The following GTPBP8 variants were observed in gnomAD, a reference collection of about 807,000 sequenced individuals.
GTPBP8 encodes the protein GTP-binding protein 8.
A neutral mutation model predicts 27.3 loss-of-function variants in GTPBP8; 21 were observed. The ratio of observed to expected loss-of-function variants is 0.77; its 90% CI spans 0.55 to 1.11. GTPBP8 has a LOEUF of 1.11. GTPBP8 is among the 50% of genes least tolerant of loss of function. The probability of loss-of-function intolerance (pLI) is 0.00; values close to 1 mark genes in which losing one functional copy is unlikely to be tolerated. For missense variants in GTPBP8, 380 were observed against 350.8 expected (o/e 1.08, Z -0.67); for synonymous variants, 147 against 135.3 (o/e 1.09, Z -0.60).
In GTPBP8 at chr3:113,001,903, A is replaced by G. The variant is rs1268696924; in HGVS notation, c.*984A>G. ...ATTCATGTAAGTGGCTTAGGTTTTCAAAGTGAAGCTTAATATTAAAAGGTT... is the reference window on the plus strand; with the variant it reads ...ATTCATGTAAGTGGCTTAGGTTTTCGAAGTGAAGCTTAATATTAAAAGGTT... On this transcript the variant is annotated 3_prime_UTR_variant, in exon 6 of 6. Coordinates refer to ENST00000383678, the MANE Select transcript of GTPBP8 (RefSeq NM_014170.4). The G allele has an allele frequency of 6.6e-6, 1 of 152,242 alleles. No homozygotes were observed. The highest frequency in any genetic ancestry group is 1.5e-5 in the Non-Finnish European group (1 of 68,032). The allele number at this position is 152,242 out of a possible 1,614,324, so 9.4% of individuals were successfully genotyped here.
chr3:112,991,932 G>T, intron 1 of GTPBP8: 1 of 246,864 alleles, frequency 4.1e-6, no homozygotes, highest in Non-Finnish European at 8.0e-6. Context: ...TTTCATGAGT[G>T]AGCATTCTTG....
chr3:112,992,045 G>C (rs375564890), intron 1 of GTPBP8: 10 of 153,466 alleles, frequency 6.5e-5, no homozygotes, highest in Admixed American at 3.9e-4. Flanking sequence ...GAGATATTTC[G>C]TCTAAATATA....
In GTPBP8 at chr3:113,001,374, A is replaced by G. The variant is rs1351354033; in HGVS notation, c.*455A>G. On this transcript the variant is annotated 3_prime_UTR_variant, in exon 6 of 6. Transcript: ENST00000383678. ...TGGATAAAAGTTACTATGTAAGCCTATTTTTTTGAGTCCTTATTTGAATAT... is the reference window on the plus strand; with the variant it reads ...TGGATAAAAGTTACTATGTAAGCCTGTTTTTTTGAGTCCTTATTTGAATAT... 1 of 152,296 alleles carries G rather than the reference A, an allele frequency of 6.6e-6. No homozygotes were observed. Among genetic ancestry groups the G allele is most frequent in the Non-Finnish European group, 1.5e-5 (1 of 68,160 alleles). The allele number at this position is 152,296 out of a possible 1,614,324, so 9.4% of individuals were successfully genotyped here.
chr3:112,996,133 T>C (rs1462078373), intron 3 of GTPBP8, among the ~76,000 whole-genome samples: 2 of 152,320 alleles, frequency 1.3e-5, no homozygotes, highest in East Asian at 3.9e-4. Context: ...GTCTGGTTTC[T>C]GTTATCTGTT....
At chr3:112,999,718 C>T (rs565585041) in intron 5 of GTPBP8, among the ~76,000 whole-genome samples, 154 bp downstream of exon 5, 1 of 152,168 alleles carries the variant, frequency 6.6e-6, no homozygotes, top group South Asian at 2.1e-4. Context: ...GTGCACCCAT[C>T]ACCTGAGCAG....
At chr3:112,993,448 C>T (rs72952179) in intron 2 of GTPBP8, among the ~76,000 whole-genome samples, 335 of 152,252 alleles carry the variant, frequency 2.2e-3, no homozygotes, top group African/African-American at 7.8e-3. Flanking sequence ...ACTGATTGTA[C>T]GGTAAATGGC....
At chr3:112,998,388 T>C (rs1933827469) in intron 4 of GTPBP8, among the ~76,000 whole-genome samples, 1 of 152,160 alleles carries the variant, frequency 6.6e-6, no homozygotes, top group South Asian at 2.1e-4. Context: ...TTTCTGATGG[T>C]ATTATAAAGT....
At chr3:112,991,395 T>C (rs2248029) in intron 1 of GTPBP8, 60 bp downstream of exon 1, 420,740 of 1,480,074 alleles carry the variant, frequency 0.28, 63,936 homozygotes, top group Non-Finnish European at 0.31. Context: ...ACCGCTTCCC[T>C]GGCCGTCCGG....
chr3:112,992,322 T>C (rs960250682), intron 1 of GTPBP8: 8 of 152,174 alleles, frequency 5.3e-5, no homozygotes, highest in Admixed American at 1.3e-4. Flanking sequence ...CCCCCAATTG[T>C]CTTGATAACC....
At chr3:113,000,794 A>G in intron 5 of GTPBP8, 56 bp from the exon 6 acceptor site, 1 of 1,026,458 alleles carries the variant, frequency 9.7e-7, no homozygotes, top group Non-Finnish European at 1.5e-6. Flanking sequence ...AAGTTGATGA[A>G]TTCAGATGTT....
At chr3:112,995,286 T>A (rs757697850) in intron 3 of GTPBP8, 21 bp downstream of exon 3, 1 of 1,524,118 alleles carries the variant, frequency 6.6e-7, no homozygotes, top group Non-Finnish European at 9.0e-7. Flanking sequence ...GATTTTCTTA[T>A]AATAGTTATA....
At chr3:112,999,871 T>G (rs533154477) in intron 5 of GTPBP8, among the ~76,000 whole-genome samples, 247 of 152,324 alleles carry the variant, frequency 1.6e-3, no homozygotes, top group Non-Finnish European at 3.0e-3. Flanking sequence ...ATACAGTATT[T>G]GGCTTTTTAT....
chr3:112,995,286 T>C (rs757697850), intron 3 of GTPBP8, 21 bp downstream of exon 3: 21 of 1,523,998 alleles, frequency 1.4e-5, no homozygotes, highest in East Asian at 1.1e-4. Flanking sequence ...GATTTTCTTA[T>C]AATAGTTATA....
rs779365203 is a variant in GTPBP8, at chr3:112,995,121, ATTTAC to A, written c.436-9_436-5del. ...ATCTTAAGACAGCTTTTCTTTTTCTATTTACTTTATCAGGGACACACAAAGAAAAT... is the reference window on the plus strand; with the variant it reads ...ATCTTAAGACAGCTTTTCTTTTTCTATTTATCAGGGACACACAAAGAAAAT... On this transcript the variant is annotated splice_polypyrimidine_tract_variant and intron_variant, in intron 2 of 5. Transcript: ENST00000383678. The A allele has an allele frequency of 9.0e-6, 14 of 1,563,630 alleles. No individual in the cohort carries two copies. The highest frequency in any genetic ancestry group is 1.7e-4 in the Middle Eastern group (1 of 5,824).
chr3:113,000,822 G>C (rs759887892), intron 5 of GTPBP8, 28 bp from the exon 6 acceptor site: 1 of 1,438,484 alleles, frequency 7.0e-7, no homozygotes, highest in Non-Finnish European at 9.7e-7. Context: ...AGGAAAGGAA[G>C]AAAATTATTT....
At chr3:112,997,332 C>A (rs6797478) in intron 4 of GTPBP8, among the ~76,000 whole-genome samples, 1 of 152,104 alleles carries the variant, frequency 6.6e-6, no homozygotes, top group South Asian at 2.1e-4. Context: ...TTAACAGCAG[C>A]GTGGCAGATA....
chr3:112,995,218 T>A lies in GTPBP8; in HGVS notation c.519T>A (p.Pro173=). The stretch of plus-strand genomic sequence containing the variant: ...TGCCAGGTTATGGCTTTAGAGCACC[T>A]GAAGATTTTGTTGACATGGTAGAGA... ...VDMPGYGFRA[P]EDFVDMVETY... is the part of the protein sequence containing the mutation. Residue 173 remains proline (P), a synonymous_variant, in exon 3 of 6, where the codon CCT becomes CCA. Coordinates refer to ENST00000383678, the MANE Select transcript of GTPBP8 (RefSeq NM_014170.4). 1.9e-6 allele frequency: 3 copies of A among 1,608,736 alleles called. No homozygotes were observed. The highest frequency in any genetic ancestry group is 2.6e-6 in the Non-Finnish European group (3 of 1,176,004).
At chr3:113,000,697 G>A (rs1478225822) in intron 5 of GTPBP8, among the ~76,000 whole-genome samples, 153 bp from the exon 6 acceptor site, 3 of 152,122 alleles carry the variant, frequency 2.0e-5, no homozygotes, top group East Asian at 1.9e-4. Context: ...ACTACAAGAC[G>A]CGGCTGGGGG....
At chr3:112,999,099 A>G (rs2107372115) in intron 4 of GTPBP8, among the ~76,000 whole-genome samples, 1 of 152,352 alleles carries the variant, frequency 6.6e-6, no homozygotes, top group African/African-American at 2.4e-5. Context: ...CCCAATATTC[A>G]TTTATATATC....
Sources: allele counts gnomAD v4.1 joint callset (sites outside exome capture counted in the v4.1 genomes callset), GRCh38; gene constraint gnomAD v4.1.1; transcripts MANE v1.5; gene names NCBI Gene and HGNC (gene_info 2026-07-23, HGNC 2026-07-21).